CRB2: variants seen among roughly 807,000 people sequenced by gnomAD.
CRB2 encodes crumbs cell polarity complex component 2, also known as protein crumbs homolog 2.
A neutral mutation model predicts 110.9 loss-of-function variants in CRB2; 85 were observed. The observed-to-expected ratio is 0.77, with a 90% CI of 0.64 to 0.92. CRB2 has a LOEUF of 0.92. Ranked by LOEUF, CRB2 falls within the 40% of genes least tolerant of loss-of-function variation. The pLI is 0.00. For synonymous variants in CRB2, 907 were observed against 831.0 expected, an observed-to-expected ratio of 1.09 and a Z score of -1.57; for missense variants, 1,843 against 1,851.3, an observed-to-expected ratio of 1.00 and a Z score of 0.08.
rs1162953768 is a variant in CRB2 at position 123,377,190 on chromosome 9, C to G, written c.*128C>G. The G allele has an allele frequency of 8.2e-6, 7 of 852,126 alleles. No individual in the cohort carries two copies. The highest frequency in any genetic ancestry group is 1.2e-5 in the Non-Finnish European group (7 of 565,112). 52.8% of individuals were successfully genotyped at this position (852,126 alleles called of 1,614,324 possible). A position where few individuals can be genotyped will look rare whatever the true frequency, so the allele number is the denominator to read the frequency against. On this transcript the variant is annotated 3_prime_UTR_variant, in exon 13 of 13. Coordinates refer to ENST00000373631, the MANE Select transcript of CRB2 (RefSeq NM_173689.7). ...TCCCCTTGGCTGGCAGCCTCTGCCT[C>G]TGCCTCTGCCCCATCCTGGATGGAG...
rs2042133469 is a variant in CRB2 at position 123,378,162 on chromosome 9, G to C, written c.*1100G>C. On this transcript the variant is annotated 3_prime_UTR_variant, in exon 13 of 13. Coordinates refer to ENST00000373631, the MANE Select transcript of CRB2 (RefSeq NM_173689.7). ...AAGGAAGCCCTCTGGGTTGTCTGCT[G>C]AGTACAGGGGCTCAGTGAACACTGG... The C allele has an allele frequency of 6.6e-6, 1 of 152,320 alleles. No individual in the cohort carries two copies. The highest frequency in any genetic ancestry group is 2.1e-4 in the South Asian group (1 of 4,838). The allele number at this position is 152,320 out of a possible 1,614,324, so 9.4% of individuals were successfully genotyped here.
chr9:123,367,200 C>A lies in CRB2; in HGVS notation c.783C>A (p.Asp261Glu). The part of the protein sequence containing the change: ...PGYSGELCEV[D>E]EDECASSPCQ... ...ACAGCGGCGAGCTGTGCGAGGTGGA[C>A]GAGGACGAGTGTGCATCGAGCCCCT... is the stretch of plus-strand genomic sequence containing the variant. The change falls in exon 5 of 13, where the codon GAC becomes GAA. Residue 261 changes from aspartate to glutamate, a missense_variant. Transcript: ENST00000373631. 2 of 1,601,132 alleles carry A rather than the reference C, an allele frequency of 1.2e-6. No homozygotes were observed. Among genetic ancestry groups the A allele is most frequent in the South Asian group, 1.1e-5 (1 of 90,432 alleles).
chr9:123,373,882 G>A lies in CRB2; in HGVS notation c.3351G>A (p.Glu1117=). 1 of 1,549,436 alleles carries A rather than the reference G, an allele frequency of 6.5e-7. No individual in the cohort carries two copies. Among genetic ancestry groups the A allele is most frequent in the South Asian group, 1.2e-5 (1 of 84,664 alleles). ...ACACGCACCCCGACGGCCGCTTCGAGTGCCGCTGCCCGCCTGGCTTCGGGG... is the reference window on the plus strand; with the variant it reads ...ACACGCACCCCGACGGCCGCTTCGAATGCCGCTGCCCGCCTGGCTTCGGGG... ...RCHTHPDGRF[E]CRCPPGFGGP... Residue 1117 remains glutamate (E), a synonymous_variant, in exon 10 of 13, where the codon GAG becomes GAA. Coordinates refer to ENST00000373631, the MANE Select transcript of CRB2 (RefSeq NM_173689.7).
intron 1 of CRB2, among the ~76,000 whole-genome samples, chr9:123,360,806 C>T (rs1200563648): frequency 4.6e-5 from 7 of 152,178 alleles, no homozygotes; most frequent in Non-Finnish European, 7.3e-5. Context: ...CTATCCACCT[C>T]GGAGGTAAAT....
At position 123,373,287 on chromosome 9, in the gene CRB2, G is replaced by A; in HGVS notation, c.2756G>A (p.Gly919Asp). ...CGTGCCGCGGCGGGCGCCCTGGAAG[G>A]CGTGTGGCTGGCGGTGCGCAATGGC... The part of the protein sequence containing the change: ...LLRAAAGALE[G>D]VWLAVRNGSL... The change falls in exon 10 of 13, where the codon GGC (glycine) becomes GAC (aspartate). Residue 919 changes from glycine (G) to aspartate (D), a missense_variant. Physicochemically the swap from Gly to Asp is moderately conservative, Grantham distance 94. Coordinates refer to ENST00000373631, the MANE Select transcript of CRB2 (RefSeq NM_173689.7). 2 of 1,479,836 alleles carry A rather than the reference G, an allele frequency of 1.4e-6. No individual in the cohort carries two copies. Among genetic ancestry groups the A allele is most frequent in the South Asian group, 2.6e-5 (2 of 77,476 alleles). 91.7% of individuals were successfully genotyped at this position (1,479,836 alleles called of 1,614,324 possible).
At position 123,376,069 on chromosome 9, in the gene CRB2, T is replaced by C. The variant is rs114406873; in HGVS notation, c.3633+726T>C. ...GAACTTTTACAGCCTCTGGCTTCCC[T>C]ACCCAGCCACCTCCCCAGGGCAGGG... is the stretch of plus-strand genomic sequence containing the variant. On this transcript the variant is annotated intron_variant, in intron 12 of 12. Transcript: ENST00000373631. Among the ~76,000 whole-genome samples the C allele has an allele frequency of 3.7e-3, 544 of 148,712 alleles. 4 individuals are homozygous for C. Among genetic ancestry groups the C allele is most frequent in the African/African-American group, 0.013 (525 of 40,226 alleles).
In CRB2 at chr9:123,378,456, G is replaced by A. The variant is rs2042139893; in HGVS notation, c.*1394G>A. On this transcript the variant is annotated 3_prime_UTR_variant, in exon 13 of 13. Coordinates refer to ENST00000373631, the MANE Select transcript of CRB2 (RefSeq NM_173689.7). ...GGTTTTGGCGGGTCCCAGAGGCATG[G>A]GTGTCCAGTCCAATGTGGGGAGCCA... The A allele has an allele frequency of 3.9e-5, 6 of 152,424 alleles. No individual in the cohort carries two copies. In the South Asian group the frequency reaches 1.2e-3, roughly 32 times the overall value. 9.4% of individuals were successfully genotyped at this position (152,424 alleles called of 1,614,324 possible). A position where few individuals can be genotyped will look rare whatever the true frequency, so the allele number is the denominator to read the frequency against.
At chr9:123,356,128 G>A (rs2041793824), upstream of CRB2, 1 of 534,262 alleles carries the variant, frequency 1.9e-6, no homozygotes. Context: ...GGAGGCGGTG[G>A]CGGGGAGGGG....
upstream of CRB2, among the ~76,000 whole-genome samples, chr9:123,355,058 G>T (rs1484580091): frequency 1.3e-5 from 2 of 152,228 alleles, no homozygotes; most frequent in African/African-American, 4.8e-5. Flanking sequence ...GGACAAACAG[G>T]CATGTATTGG....
Position 123,372,290 on chromosome 9 carries a change from C to T in CRB2, c.2550C>T (p.Gly850=). 1 of 1,612,124 alleles carries T rather than the reference C, an allele frequency of 6.2e-7. No individual in the cohort carries two copies. Among genetic ancestry groups the T allele is most frequent in the Non-Finnish European group, 8.5e-7 (1 of 1,178,998 alleles). Residue 850 remains glycine (G), a synonymous_variant, in exon 9 of 13, where the codon GGC becomes GGT. Transcript: ENST00000373631. The stretch of plus-strand genomic sequence containing the variant: ...GTGCCCAGCAGCTGTGGTGTCCCGG[C>T]CAGCCCTGTCTCCCACCTGCCACGT... ...PTCAQQLWCP[G]QPCLPPATCE...
rs1391636784 is a variant in CRB2, at chr9:123,373,866, C to T, written c.3335C>T (p.Pro1112Leu). Residue 1112 changes from proline to leucine, a missense_variant, in exon 10 of 13, where the codon CCC becomes CTC. Coordinates refer to ENST00000373631, the MANE Select transcript of CRB2 (RefSeq NM_173689.7). ...PCARGRCHTHPDGRFECRCPP... is the reference protein window; with the variant it reads ...PCARGRCHTHLDGRFECRCPP... ...GCCCGTGGCCGCTGTCACACGCACC[C>T]CGACGGCCGCTTCGAGTGCCGCTGC... The T allele has an allele frequency of 6.4e-7, 1 of 1,552,274 alleles. No individual in the cohort carries two copies. The highest frequency in any genetic ancestry group is 8.7e-7 in the Non-Finnish European group (1 of 1,153,212).
intron 10 of CRB2, chr9:123,374,208 G>A: frequency 1.7e-6 from 1 of 603,750 alleles, no homozygotes; most frequent in East Asian, 2.9e-5. Context: ...GGGGTGGAGG[G>A]AGGGGGTCAG....
intron 1 of CRB2, among the ~76,000 whole-genome samples, chr9:123,358,444 G>A (rs2041824767): frequency 6.6e-6 from 1 of 152,232 alleles, no homozygotes; most frequent in South Asian, 2.1e-4. Context: ...CCAGCCAGAA[G>A]GGGGTGGGGG....
chr9:123,372,955 C>T (rs762033475), intron 9 of CRB2, among the ~76,000 whole-genome samples, 179 bp from the exon 10 acceptor site: 1 of 152,200 alleles, frequency 6.6e-6, no homozygotes, highest in Admixed American at 6.5e-5. Context: ...GTAGGAAATA[C>T]ATTGGGAGTA....
chr9:123,367,531 C>T (rs1051043784), intron 5 of CRB2, 42 bp from the exon 6 acceptor site: 22 of 1,498,074 alleles, frequency 1.5e-5, no homozygotes, highest in Non-Finnish European at 2.0e-5. Context: ...CCCTGCCTGG[C>T]TCTGAGGGTG....
At chr9:123,374,040 GT>G in intron 10 of CRB2, 120 bp downstream of exon 10, 11 of 1,200,998 alleles carry the variant, frequency 9.2e-6, no homozygotes, top group South Asian at 1.3e-5. Flanking sequence ...GTCCTTATCT[GT>G]GACATGAGGA....
Position 123,373,159 on chromosome 9 carries a change from G to C in CRB2, c.2628G>C (p.Glu876Asp), listed in dbSNP as rs2042041141. ...FVCVAEATFR[E>D]GPPAAFSGHN... ...GTGTGGCGGAGGCCACGTTCCGCGAGGGTCCCCCCGCCGCGTTCAGCGGGC... is the reference window on the plus strand; with the variant it reads ...GTGTGGCGGAGGCCACGTTCCGCGACGGTCCCCCCGCCGCGTTCAGCGGGC... Residue 876 changes from glutamate to aspartate, a missense_variant, in exon 10 of 13, where the codon GAG (glutamate) becomes GAC (aspartate). By Grantham distance (45) the Glu-to-Asp change is conservative. Transcript: ENST00000373631. 1 of 1,513,236 alleles carries C rather than the reference G, an allele frequency of 6.6e-7. No individual in the cohort carries two copies. The highest frequency in any genetic ancestry group is 2.0e-5 in the Admixed American group (1 of 48,822). 93.7% of individuals were successfully genotyped at this position (1,513,236 alleles called of 1,614,324 possible). A position where few individuals can be genotyped will look rare whatever the true frequency, so the allele number is the denominator to read the frequency against.
Position 123,377,237 on chromosome 9 carries a change from A to G in CRB2, c.*175A>G, listed in dbSNP as rs2042116848. 1 of 634,732 alleles carries G rather than the reference A, an allele frequency of 1.6e-6. No homozygotes were observed. Among genetic ancestry groups the G allele is most frequent in the Non-Finnish European group, 2.7e-6 (1 of 374,144 alleles). 39.3% of individuals were successfully genotyped at this position (634,732 alleles called of 1,614,324 possible). A position where few individuals can be genotyped will look rare whatever the true frequency, so the allele number is the denominator to read the frequency against. On this transcript the variant is annotated 3_prime_UTR_variant, in exon 13 of 13. Transcript: ENST00000373631. ...GGAGGACGAGGGGAGCAACTCAGGGAAACAGAGGCCTAGAGAGGCTGCGGA... is the reference window on the plus strand; with the variant it reads ...GGAGGACGAGGGGAGCAACTCAGGGGAACAGAGGCCTAGAGAGGCTGCGGA...
intron 12 of CRB2, among the ~76,000 whole-genome samples, chr9:123,375,823 C>T (rs1342120478): frequency 6.6e-6 from 1 of 152,128 alleles, no homozygotes; most frequent in Non-Finnish European, 1.5e-5. Context: ...CCCCGGGTGG[C>T]TCAGCCCAGG....
Sources: gnomAD v4.1 joint callset for allele counts (sites outside exome capture counted in the v4.1 genomes callset) on GRCh38, gnomAD v4.1.1 for gene constraint, MANE v1.5 for transcripts, NCBI Gene and HGNC (gene_info 2026-07-23, HGNC 2026-07-21) for gene names.